Variants in COL19A1 observed in about 807,000 individuals in gnomAD.
COL19A1 encodes collagen alpha-1(XIX) chain.
COL19A1 carries 159 observed loss-of-function variants against 190.2 expected under a neutral mutation model. The observed-to-expected ratio is 0.84, with a 90% CI of 0.73 to 0.95. The LOEUF (loss-of-function observed/expected upper bound fraction) is 0.95, where lower values mean the gene tolerates loss of function less well. COL19A1 is among the 40% of genes least tolerant of loss of function. COL19A1 has a pLI of 0.00. For missense variants in COL19A1, 1,418 were observed against 1,431.9 expected (o/e 0.99, Z 0.16); for synonymous variants, 509 against 458.9 (o/e 1.11, Z -1.39).
At position 69,866,610 on chromosome 6, in the gene COL19A1, C is replaced by A; in HGVS notation, c.-63C>A. The A allele has an allele frequency of 6.6e-6, 1 of 152,438 alleles. No homozygotes were observed. The highest frequency in any genetic ancestry group is 1.5e-5 in the Non-Finnish European group (1 of 68,132). 9.4% of individuals were successfully genotyped at this position (152,438 alleles called of 1,614,324 possible). A position where few individuals can be genotyped will look rare whatever the true frequency, so the allele number is the denominator to read the frequency against. On this transcript the variant is annotated 5_prime_UTR_variant, in exon 1 of 51. Coordinates refer to ENST00000620364, the MANE Select transcript of COL19A1 (RefSeq NM_001858.6). ...CCGCAGCCCTGTCCGGACTCCACTGCGCCTCTGAGGGGCTCAAATACGAAT... is the reference window on the plus strand; with the variant it reads ...CCGCAGCCCTGTCCGGACTCCACTGAGCCTCTGAGGGGCTCAAATACGAAT...
intron 15 of COL19A1, among the ~76,000 whole-genome samples, chr6:70,076,228 A>T (rs759640328): frequency 6.6e-6 from 1 of 152,140 alleles, no homozygotes; most frequent in Non-Finnish European, 1.5e-5. Flanking sequence ...GAAAACAGAG[A>T]CCCAGAAAAC....
intron 15 of COL19A1, among the ~76,000 whole-genome samples, chr6:70,101,320 T>C (rs2150187001): frequency 6.6e-6 from 1 of 152,170 alleles, no homozygotes; most frequent in East Asian, 1.9e-4. Context: ...TTCCCTCTTT[T>C]AAAAATTTAA....
At chr6:70,020,252 T>C (rs1297730184) in intron 11 of COL19A1, among the ~76,000 whole-genome samples, 1 of 152,134 alleles carries the variant, frequency 6.6e-6, no homozygotes, top group East Asian at 1.9e-4. Context: ...ATTAAACCAC[T>C]ACATGATATT....
intron 4 of COL19A1, among the ~76,000 whole-genome samples, chr6:69,904,910 T>C (rs1041802444): frequency 5.9e-5 from 9 of 152,080 alleles, no homozygotes; most frequent in African/African-American, 1.9e-4. Flanking sequence ...TTTCACACAG[T>C]GCAGTCAGAA....
chr6:70,045,591 AGCT>A (rs1270511021), intron 14 of COL19A1, among the ~76,000 whole-genome samples: 7 of 152,330 alleles, frequency 4.6e-5, no homozygotes, highest in African/African-American at 1.4e-4. Flanking sequence ...AGCTGGCAAC[AGCT>A]GAAATCCGTT....
chr6:70,040,479 T>G (rs1779582872), intron 14 of COL19A1, among the ~76,000 whole-genome samples: 1 of 152,216 alleles, frequency 6.6e-6, no homozygotes, highest in East Asian at 1.9e-4. Context: ...CCTCACTCTC[T>G]AATATATAAG....
chr6:70,204,722 A>G (rs1034834885), intron 49 of COL19A1, among the ~76,000 whole-genome samples: 3 of 152,294 alleles, frequency 2.0e-5, no homozygotes, highest in Non-Finnish European at 4.4e-5. Flanking sequence ...CCTCTTATTA[A>G]TCAAAAGTTC....
intron 4 of COL19A1, among the ~76,000 whole-genome samples, chr6:69,925,993 C>T (rs995202754): frequency 3.5e-4 from 54 of 152,230 alleles, no homozygotes; most frequent in African/African-American, 6.7e-4. Context: ...TGGGCTGAGA[C>T]GATGGGGTTT....
chr6:70,072,298 T>A (rs540546732), intron 15 of COL19A1, among the ~76,000 whole-genome samples: 3 of 152,148 alleles, frequency 2.0e-5, no homozygotes, highest in Non-Finnish European at 4.4e-5. Context: ...CATTTTATAG[T>A]CACATTAAAT....
At chr6:69,969,615 A>G (rs902230263) in intron 11 of COL19A1, among the ~76,000 whole-genome samples, 3 of 152,258 alleles carry the variant, frequency 2.0e-5, no homozygotes, top group Non-Finnish European at 4.4e-5. Context: ...AACTATTTAC[A>G]TAGCATTTAC....
intron 11 of COL19A1, among the ~76,000 whole-genome samples, chr6:69,973,640 G>T (rs1319373319): frequency 2.0e-5 from 3 of 151,518 alleles, no homozygotes. Context: ...AAACAGAATA[G>T]ATTTAAAAAT....
chr6:70,049,773 A>G (rs1186311904), intron 14 of COL19A1, among the ~76,000 whole-genome samples: 2 of 152,092 alleles, frequency 1.3e-5, no homozygotes, highest in Non-Finnish European at 2.9e-5. Context: ...TGTATTTTAA[A>G]TGCCATTAGA....
chr6:69,898,539 A>G (rs1769947444), intron 2 of COL19A1, among the ~76,000 whole-genome samples: 1 of 152,156 alleles, frequency 6.6e-6, no homozygotes, highest in African/African-American at 2.4e-5. Flanking sequence ...TTTAGTTTTT[A>G]AAGTTTCATA....
At position 69,982,490 on chromosome 6, in the gene COL19A1, C is replaced by T. The variant is rs534488975; in HGVS notation, c.1026+19620C>T. Among the ~76,000 whole-genome samples, 39 of 151,946 alleles carry T rather than the reference C, an allele frequency of 2.6e-4. No individual in the cohort carries two copies. In the East Asian group the frequency reaches 5.9e-3, roughly 23 times the overall value. On this transcript the variant is annotated intron_variant, in intron 11 of 50. Transcript: ENST00000620364. ...TCCTGACCTCGTGATCCACCTGCCTCGGCCTCCCACAGTGCTGGGATTACA... is the reference window on the plus strand; with the variant it reads ...TCCTGACCTCGTGATCCACCTGCCTTGGCCTCCCACAGTGCTGGGATTACA...
intron 9 of COL19A1, among the ~76,000 whole-genome samples, chr6:69,955,775 T>A (rs1407289013): frequency 6.6e-6 from 1 of 152,024 alleles, no homozygotes; most frequent in Non-Finnish European, 1.5e-5. Flanking sequence ...GGCTTGATAG[T>A]GGCACAAAGG....
chr6:69,879,017 A>G (rs1436755208), intron 1 of COL19A1, among the ~76,000 whole-genome samples: 1 of 152,368 alleles, frequency 6.6e-6, no homozygotes, highest in Admixed American at 6.5e-5. Flanking sequence ...GAAAGAAAGT[A>G]GAATGAAGGC....
chr6:70,156,310 T>C lies in COL19A1; in HGVS notation c.2185-6T>C, dbSNP rs1442356408. On this transcript the variant is annotated splice_polypyrimidine_tract_variant and splice_region_variant and intron_variant, in intron 32 of 50. Transcript: ENST00000620364. ...CTCTCAGTTCTGTTCTTCCTCTGTC[T>C]TCTAGGGTGATATAGGGCCACGGGG... 1 of 1,613,248 alleles carries C rather than the reference T, an allele frequency of 6.2e-7. No homozygotes were observed. Among genetic ancestry groups the C allele is most frequent in the Non-Finnish European group, 8.5e-7 (1 of 1,179,576 alleles).
intron 11 of COL19A1, among the ~76,000 whole-genome samples, chr6:69,968,559 A>G (rs1192397951): frequency 6.6e-6 from 1 of 152,190 alleles, no homozygotes; most frequent in Non-Finnish European, 1.5e-5. Flanking sequence ...GACTTCTAGC[A>G]TTAAATGTCA....
intron 15 of COL19A1, among the ~76,000 whole-genome samples, chr6:70,096,878 C>G (rs1035693421): frequency 2.0e-5 from 3 of 152,142 alleles, no homozygotes; most frequent in Admixed American, 6.5e-5. Context: ...GAACTCTGAA[C>G]AGCCAAGCAG....
Sources: gnomAD v4.1 joint callset for allele counts (sites outside exome capture counted in the v4.1 genomes callset) on GRCh38, gnomAD v4.1.1 for gene constraint, MANE v1.5 for transcripts, NCBI Gene and HGNC (gene_info 2026-07-23, HGNC 2026-07-21) for gene names.